Variants in NRXN3 observed in about 807,000 individuals in gnomAD.
NRXN3 encodes the protein neurexin III.
A neutral mutation model predicts 137.6 loss-of-function variants in NRXN3; 32 were observed. That is an observed-to-expected ratio of 0.23 (90% CI 0.18 to 0.31). The LOEUF is 0.31. Ranked by LOEUF, NRXN3 falls within the 10% of genes least tolerant of loss-of-function variation. The probability of loss-of-function intolerance (pLI) is 1.00; values close to 1 mark genes in which losing one functional copy is unlikely to be tolerated. For missense variants in NRXN3, 1,574 were observed against 2,062.5 expected (o/e 0.76, Z 4.59); for synonymous variants, 798 against 784.5 (o/e 1.02, Z -0.29).
At chr14:79,506,129 A>G (rs935517464) in intron 16 of NRXN3, among the ~76,000 whole-genome samples, 8 of 152,220 alleles carry the variant, frequency 5.3e-5, no homozygotes, top group South Asian at 2.1e-4. Flanking sequence ...ATAATGTAAG[A>G]TAACTACAGG....
intron 10 of NRXN3, among the ~76,000 whole-genome samples, 164 bp downstream of exon 10, chr14:78,810,508 TGAA>T (rs1453267046): frequency 1.3e-5 from 2 of 150,290 alleles, no homozygotes; most frequent in Non-Finnish European, 3.0e-5. Flanking sequence ...TGGGTGAGGG[TGAA>T]GGGCTGAGTG....
intron 10 of NRXN3, among the ~76,000 whole-genome samples, chr14:78,884,838 G>A (rs1384094797): frequency 2.0e-5 from 3 of 151,976 alleles, no homozygotes; most frequent in African/African-American, 7.3e-5. Flanking sequence ...GAAACTCTCT[G>A]GGTCTCAGTT....
intron 2 of NRXN3, chr14:78,250,192 A>G (rs1340691591): frequency 4.4e-6 from 2 of 453,636 alleles, no homozygotes; most frequent in East Asian, 6.2e-5. Flanking sequence ...GTCTGGCTTC[A>G]GAGCCTACAC....
At chr14:78,208,738 T>G (rs762409637) in intron 1 of NRXN3, among the ~76,000 whole-genome samples, 5 of 152,222 alleles carry the variant, frequency 3.3e-5, no homozygotes, top group Admixed American at 6.5e-5. Context: ...GGTTACCTAC[T>G]TGATGAGGCT....
chr14:78,877,818 T>C (rs2099117425), intron 10 of NRXN3, among the ~76,000 whole-genome samples: 1 of 152,180 alleles, frequency 6.6e-6, no homozygotes, highest in South Asian at 2.1e-4. Flanking sequence ...ATTTAATAAA[T>C]AAACATAAAT....
intron 1 of NRXN3, among the ~76,000 whole-genome samples, chr14:78,206,949 T>C (rs1048441679): frequency 1.3e-5 from 2 of 152,030 alleles, no homozygotes; most frequent in Admixed American, 6.6e-5. Context: ...CTGCAACTTC[T>C]GCCTCCCGGG....
intron 2 of NRXN3, among the ~76,000 whole-genome samples, chr14:78,254,678 C>CA (rs36116506): frequency 0.55 from 66,568 of 121,916 alleles, 17,893 homozygotes; most frequent in Middle Eastern, 0.7. Context: ...ACTCCATCTC[C>CA]AAAAAAAAAA....
chr14:78,735,948 C>T (rs2098539282), intron 8 of NRXN3, among the ~76,000 whole-genome samples: 1 of 152,180 alleles, frequency 6.6e-6, no homozygotes, highest in Non-Finnish European at 1.5e-5. Flanking sequence ...GGACTTCCAA[C>T]ATCCAGTCTG....
intron 14 of NRXN3, among the ~76,000 whole-genome samples, chr14:78,986,177 G>T (rs924773983): frequency 6.6e-6 from 1 of 152,066 alleles, no homozygotes; most frequent in Non-Finnish European, 1.5e-5. Flanking sequence ...GCTTACGTTA[G>T]AAACTGTGAA....
chr14:78,720,541 A>G (rs17757467), intron 8 of NRXN3, among the ~76,000 whole-genome samples: 76,071 of 151,898 alleles, frequency 0.5, 22,717 homozygotes, highest in Non-Finnish European at 0.64. Flanking sequence ...TGGCATCCCT[A>G]CTGTCCTTGG....
At chr14:78,241,821 AT>A (rs1273552848) in intron 1 of NRXN3, among the ~76,000 whole-genome samples, 2 of 152,018 alleles carry the variant, frequency 1.3e-5, no homozygotes, top group African/African-American at 4.8e-5. Context: ...AAGGAATAAA[AT>A]AATCCTCCTC....
chr14:79,392,870 T>C (rs1390301707), intron 15 of NRXN3, among the ~76,000 whole-genome samples: 2 of 147,622 alleles, frequency 1.4e-5, no homozygotes, highest in Non-Finnish European at 3.0e-5. Context: ...CTTGGGAGTC[T>C]GAGGCAGGAG....
chr14:78,926,957 A>T (rs1483761049), intron 10 of NRXN3, among the ~76,000 whole-genome samples: 4 of 38,510 alleles, frequency 1.0e-4, no homozygotes, highest in Non-Finnish European at 1.5e-4. Context: ...TAATATATAT[A>T]ATATATATAT....
rs80288962 is a variant in NRXN3, at chr14:78,445,877, C to T, written c.757+148017C>T. Among the ~76,000 whole-genome samples, 555 of 152,236 alleles carry T rather than the reference C, an allele frequency of 3.6e-3. 24 individuals are homozygous for T. The East Asian group carries it at 0.066, about 18-fold the overall frequency. On this transcript the variant is annotated intron_variant, in intron 4 of 20. Coordinates refer to ENST00000335750, the MANE Select transcript of NRXN3 (RefSeq NM_001330195.2). ...GTCAGTGCTTGCAGAGATAGATGAA[C>T]ATTGGAAGCTGTTCTTGAGGTTCTG...
chr14:79,565,798 A>G (rs2097545686), intron 16 of NRXN3, among the ~76,000 whole-genome samples: 2 of 152,172 alleles, frequency 1.3e-5, no homozygotes, highest in Admixed American at 1.3e-4. Context: ...GAATAAGGCT[A>G]GTGTAGGAGC....
rs1568350985 is a variant in NRXN3, at chr14:79,818,087, G to GCT, written c.4093+12898_4093+12899dup. 1.5e-4 allele frequency among the ~76,000 whole-genome samples: 18 copies of GCT among 120,112 alleles called. No homozygotes were observed. The South Asian group carries it at 5.1e-3, about 34-fold the overall frequency. 78.8% of individuals were successfully genotyped at this position (120,112 alleles called of 152,430 possible). Reference sequence around the variant, plus strand: ...TTTTTTTTTTTTGAGACGGAGTCTCGCTGTCACCCAGGCTGGAGTGCAGTG... The same window carrying GCT: ...TTTTTTTTTTTTGAGACGGAGTCTCGCTCTGTCACCCAGGCTGGAGTGCAGTG... On this transcript the variant is annotated intron_variant, in intron 20 of 20. Transcript: ENST00000335750.
At chr14:78,173,709 C>CTATTTTTTTTTTT (rs1555388041) in intron 1 of NRXN3, among the ~76,000 whole-genome samples, 1 of 69,358 alleles carries the variant, frequency 1.4e-5, no homozygotes, top group African/African-American at 6.2e-5. Context: ...TTTTTCCTTG[C>CTATTTTTTTTTTT]TTTTTTTTTT....
intron 10 of NRXN3, among the ~76,000 whole-genome samples, chr14:78,905,526 A>T (rs1196916033): frequency 2.6e-5 from 4 of 152,050 alleles, no homozygotes; most frequent in Non-Finnish European, 5.9e-5. Flanking sequence ...TTTATCATGT[A>T]TAAAATGATA....
At chr14:78,872,560 T>G (rs2152569570) in intron 10 of NRXN3, among the ~76,000 whole-genome samples, 1 of 152,146 alleles carries the variant, frequency 6.6e-6, no homozygotes, top group African/African-American at 2.4e-5. Context: ...CTTGGCTGTT[T>G]GTTGTCACTT....
Sources: allele counts gnomAD v4.1 joint callset (sites outside exome capture counted in the v4.1 genomes callset), GRCh38; gene constraint gnomAD v4.1.1; transcripts MANE v1.5; gene names NCBI Gene and HGNC (gene_info 2026-07-23, HGNC 2026-07-21).